The following TPP2 variants were observed in gnomAD, a reference collection of about 807,000 sequenced individuals.
The protein encoded by TPP2 is tripeptidyl-peptidase 2.
Under a neutral mutation model 155.9 loss-of-function variants are expected in TPP2, and 34 were observed. That is an observed-to-expected ratio of 0.22 (90% CI 0.17 to 0.29). TPP2 has a LOEUF of 0.29. Among genes scored for constraint, TPP2 ranks in the 10% least tolerant of loss-of-function variants. The pLI, the probability that TPP2 is intolerant of heterozygous loss-of-function variation, is 1.00. For missense variants in TPP2, 1,028 were observed against 1,522.3 expected, an observed-to-expected ratio of 0.68 and a Z score of 5.40; for synonymous variants, 510 against 529.4, an observed-to-expected ratio of 0.96 and a Z score of 0.50.
intron 6 of TPP2, among the ~76,000 whole-genome samples, chr13:102,623,696 A>T (rs968980343): frequency 2.0e-5 from 3 of 152,248 alleles, no homozygotes; most frequent in Non-Finnish European, 4.4e-5. Context: ...GTGTGATTTC[A>T]AAAAAGTTGG....
intron 1 of TPP2, among the ~76,000 whole-genome samples, chr13:102,603,258 T>A (rs1879567983): frequency 6.6e-6 from 1 of 152,196 alleles, no homozygotes; most frequent in African/African-American, 2.4e-5. Context: ...TGTTCGTGAA[T>A]AAAGTAGACA....
chr13:102,656,703 G>A (rs1395613546), intron 24 of TPP2, among the ~76,000 whole-genome samples: 1 of 152,156 alleles, frequency 6.6e-6, no homozygotes, highest in Non-Finnish European at 1.5e-5. Flanking sequence ...TTCTTAGTTT[G>A]AACTTATTTC....
At chr13:102,628,518 A>G (rs1317283262) in intron 8 of TPP2, among the ~76,000 whole-genome samples, 2 of 151,936 alleles carry the variant, frequency 1.3e-5, no homozygotes, top group African/African-American at 2.4e-5. Flanking sequence ...TCCTCAATCC[A>G]TTCTAGTGTG....
At chr13:102,676,196 A>G (rs1305036391) in intron 28 of TPP2, 100 bp from the exon 29 acceptor site, 1 of 1,166,108 alleles carries the variant, frequency 8.6e-7, no homozygotes, top group Non-Finnish European at 1.2e-6. Flanking sequence ...ATTCATTTCA[A>G]AAGCTACACT....
intron 2 of TPP2, among the ~76,000 whole-genome samples, chr13:102,608,561 T>C (rs1276275062): frequency 1.3e-5 from 2 of 152,168 alleles, no homozygotes; most frequent in African/African-American, 4.8e-5. Flanking sequence ...TTCTCAACAT[T>C]GTAACCCTTG....
chr13:102,649,550 GAATT>G (rs750547678), intron 23 of TPP2, 64 bp downstream of exon 23: 196 of 1,391,436 alleles, frequency 1.4e-4, no homozygotes, highest in Non-Finnish European at 1.9e-4. Context: ...TTAAAGATAA[GAATT>G]AATTCCACAT....
At chr13:102,599,438 C>T (rs113367346) in intron 1 of TPP2, among the ~76,000 whole-genome samples, 4 of 151,496 alleles carry the variant, frequency 2.6e-5, no homozygotes, top group African/African-American at 9.7e-5. Context: ...TATATGTGTA[C>T]ATCATTAAGA....
At chr13:102,627,650 C>G (rs1230792692) in intron 7 of TPP2, among the ~76,000 whole-genome samples, 198 bp from the exon 8 acceptor site, 1 of 148,448 alleles carries the variant, frequency 6.7e-6, no homozygotes, top group East Asian at 2.0e-4. Flanking sequence ...TTAATGACTA[C>G]TTTTTTATGT....
intron 10 of TPP2, among the ~76,000 whole-genome samples, chr13:102,633,667 A>G (rs1252432718): frequency 6.6e-6 from 1 of 152,202 alleles, no homozygotes; most frequent in Non-Finnish European, 1.5e-5. Flanking sequence ...CTCTCTCTAA[A>G]TATACCTGAC....
At chr13:102,603,132 C>T (rs759357728) in intron 1 of TPP2, among the ~76,000 whole-genome samples, 1 of 152,122 alleles carries the variant, frequency 6.6e-6, no homozygotes, top group Non-Finnish European at 1.5e-5. Context: ...TGTGGACTGG[C>T]AAGAAATCAA....
intron 21 of TPP2, 133 bp downstream of exon 21, chr13:102,647,477 C>A: frequency 8.8e-7 from 1 of 1,136,538 alleles, no homozygotes; most frequent in Non-Finnish European, 1.2e-6. Flanking sequence ...AGTACTTTTG[C>A]AAACTGTGAG....
At chr13:102,657,762 T>A (rs74239868) in intron 25 of TPP2, among the ~76,000 whole-genome samples, 23 of 152,286 alleles carry the variant, frequency 1.5e-4, no homozygotes, top group East Asian at 1.3e-3. Flanking sequence ...GGTGATTTTT[T>A]AAAATTTCCA....
At chr13:102,615,634 G>T (rs1377953429) in intron 3 of TPP2, among the ~76,000 whole-genome samples, 2 of 151,646 alleles carry the variant, frequency 1.3e-5, no homozygotes, top group Non-Finnish European at 2.9e-5. Context: ...CAAAGAGGAT[G>T]GAAAAAAAAA....
At chr13:102,623,697 A>G (rs986062582) in intron 6 of TPP2, among the ~76,000 whole-genome samples, 1 of 152,262 alleles carries the variant, frequency 6.6e-6, no homozygotes, top group African/African-American at 2.4e-5. Flanking sequence ...TGTGATTTCA[A>G]AAAAGTTGGA....
At chr13:102,640,641 ATTTTTTTTT>A (rs5806315) in intron 16 of TPP2, among the ~76,000 whole-genome samples, 1 of 84,194 alleles carries the variant, frequency 1.2e-5, no homozygotes, top group Non-Finnish European at 2.1e-5. Flanking sequence ...CCTGGTAATA[ATTTTTTTTT>A]TTTTTTTTTT....
chr13:102,629,687 A>C lies in TPP2; in HGVS notation c.1144+78A>C, dbSNP rs1309035894. The C allele has an allele frequency of 2.7e-6, 4 of 1,495,068 alleles. No homozygotes were observed. In the African/African-American group the frequency reaches 5.8e-5, roughly 22 times the overall value. The allele number at this position is 1,495,068 out of a possible 1,614,324, so 92.6% of individuals were successfully genotyped here. A position where few individuals can be genotyped will look rare whatever the true frequency, so the allele number is the denominator to read the frequency against. ...CAATAGTTAATGAAATGTTACCTGT[A>C]TCTCTGCTACACGTAAGACACTGTA... On this transcript the variant is annotated intron_variant, in intron 9 of 29. Transcript: ENST00000376052.
Position 102,647,188 on chromosome 13 carries a change from C to CT in TPP2, c.2491-13dup. ...TTATATGCAAATCATGCCAAGTAAT[C>CT]TTTTTTGTTTTTTAATAGCCCAAGA... On this transcript the variant is annotated intron_variant, in intron 20 of 29. Coordinates refer to ENST00000376052, the MANE Select transcript of TPP2 (RefSeq NM_001330588.2). 1 of 1,583,444 alleles carries CT rather than the reference C, an allele frequency of 6.3e-7. No individual in the cohort carries two copies. Among genetic ancestry groups the CT allele is most frequent in the Non-Finnish European group, 8.6e-7 (1 of 1,164,640 alleles).
intron 1 of TPP2, among the ~76,000 whole-genome samples, chr13:102,598,540 C>T (rs994552751): frequency 6.6e-6 from 1 of 152,116 alleles, no homozygotes; most frequent in East Asian, 1.9e-4. Context: ...ATATAGTTGT[C>T]GTTGTATTAA....
At chr13:102,649,529 A>T (rs948508882) in intron 23 of TPP2, 43 bp downstream of exon 23, 3 of 1,526,158 alleles carry the variant, frequency 2.0e-6, no homozygotes, top group Admixed American at 1.9e-5. Context: ...CTATTAAAAA[A>T]TTTCATTTCT....
Sources: allele counts gnomAD v4.1 joint callset (sites outside exome capture counted in the v4.1 genomes callset), GRCh38; gene constraint gnomAD v4.1.1; transcripts MANE v1.5; gene names NCBI Gene and HGNC (gene_info 2026-07-23, HGNC 2026-07-21).